RPTOR: variants seen among roughly 807,000 people sequenced by gnomAD.
RPTOR encodes the protein regulatory associated protein of MTOR complex 1.
Under a neutral mutation model 169.9 loss-of-function variants are expected in RPTOR, and 21 were observed. The observed-to-expected ratio is 0.12, with a 90% CI of 0.09 to 0.18. The LOEUF (loss-of-function observed/expected upper bound fraction) is 0.18, where lower values mean the gene tolerates loss of function less well. RPTOR is among the 10% of genes least tolerant of loss of function. The probability of loss-of-function intolerance (pLI) is 1.00; values close to 1 mark genes in which losing one functional copy is unlikely to be tolerated. For missense variants in RPTOR, 1,133 were observed against 1,855.9 expected (o/e 0.61, Z 7.16); for synonymous variants, 732 against 753.2 (o/e 0.97, Z 0.46).
intron 7 of RPTOR, among the ~76,000 whole-genome samples, chr17:80,815,593 G>A (rs904740296): frequency 6.6e-6 from 1 of 152,276 alleles, no homozygotes; most frequent in African/African-American, 2.4e-5. Context: ...CACACCATGT[G>A]CTTAACGAGC....
At chr17:80,962,806 C>G in intron 32 of RPTOR, 122 bp from the exon 33 acceptor site, 2 of 1,508,408 alleles carry the variant, frequency 1.3e-6, no homozygotes, top group South Asian at 2.6e-5. Flanking sequence ...AGGGTCACAC[C>G]TGCCCCGAGC....
At chr17:80,868,067 A>G (rs193063418) in intron 13 of RPTOR, among the ~76,000 whole-genome samples, 78 of 152,354 alleles carry the variant, frequency 5.1e-4, no homozygotes, top group Non-Finnish European at 9.3e-4. Context: ...CAAACAGATA[A>G]TGGAACAGGA....
chr17:80,799,603 C>A (rs755039179), intron 7 of RPTOR, among the ~76,000 whole-genome samples: 3 of 152,196 alleles, frequency 2.0e-5, no homozygotes, highest in Admixed American at 6.5e-5. Flanking sequence ...TGTGACGAGT[C>A]ACGTGACGCA....
At chr17:80,825,343 T>C (rs1449019391) in intron 9 of RPTOR, among the ~76,000 whole-genome samples, 2 of 152,180 alleles carry the variant, frequency 1.3e-5, no homozygotes, top group Non-Finnish European at 2.9e-5. Flanking sequence ...CACCTCTCCA[T>C]CTAGAGGCCG....
rs1257659828 is a variant in RPTOR at position 80,708,273 on chromosome 17, G to C, written c.507+274G>C. Among the ~76,000 whole-genome samples the C allele has an allele frequency of 6.6e-6, 1 of 152,164 alleles. No individual in the cohort carries two copies. Among genetic ancestry groups the C allele is most frequent in the Non-Finnish European group, 1.5e-5 (1 of 68,026 alleles). ...GACCAGCAGTTGTTTGTAATTCTCCGAGGACAGACCTCGAGAGTGTCTGCC... is the reference window on the plus strand; with the variant it reads ...GACCAGCAGTTGTTTGTAATTCTCCCAGGACAGACCTCGAGAGTGTCTGCC... On this transcript the variant is annotated intron_variant, in intron 4 of 33. Coordinates refer to ENST00000306801, the MANE Select transcript of RPTOR (RefSeq NM_020761.3). The surrounding 1 kb of genome is among the most constrained non-coding windows in gnomAD (Gnocchi z 4.2).
chr17:80,566,649 CCT>C (rs2064844732), intron 1 of RPTOR, among the ~76,000 whole-genome samples: 1 of 151,220 alleles, frequency 6.6e-6, no homozygotes, highest in Admixed American at 6.6e-5. Flanking sequence ...TGAAACCCCT[CCT>C]CTACTAAAAA....
At chr17:80,837,824 C>T in intron 9 of RPTOR, 98 bp from the exon 10 acceptor site, 2 of 1,152,492 alleles carry the variant, frequency 1.7e-6, no homozygotes, top group Non-Finnish European at 2.6e-6. Context: ...CAGACCCTTG[C>T]TGCCCAGGCT....
At chr17:80,601,104 G>A (rs751606030) in intron 1 of RPTOR, among the ~76,000 whole-genome samples, 3 of 152,166 alleles carry the variant, frequency 2.0e-5, no homozygotes, top group African/African-American at 4.8e-5. Context: ...CAGCCCCATC[G>A]GAGAGGCTGC....
At chr17:80,867,547 G>T (rs2068006778) in intron 13 of RPTOR, among the ~76,000 whole-genome samples, 1 of 151,974 alleles carries the variant, frequency 6.6e-6, no homozygotes, top group Admixed American at 6.6e-5. Flanking sequence ...AGTGAGTCAA[G>T]GAAAAAAAGG....
intron 5 of RPTOR, among the ~76,000 whole-genome samples, chr17:80,739,138 A>G (rs1350414300): frequency 2.7e-5 from 1 of 37,108 alleles, no homozygotes; most frequent in Non-Finnish European, 6.5e-5. Context: ...TGTCGCGGGA[A>G]CACCTCTGCC....
chr17:80,718,245 G>A (rs2066255907), intron 4 of RPTOR, among the ~76,000 whole-genome samples: 1 of 152,244 alleles, frequency 6.6e-6, no homozygotes, highest in South Asian at 2.1e-4. Context: ...TTTGGTTTAG[G>A]ATAATTTTTA....
intron 3 of RPTOR, among the ~76,000 whole-genome samples, chr17:80,669,171 C>A (rs557849567): frequency 1.3e-5 from 2 of 152,284 alleles, no homozygotes; most frequent in Non-Finnish European, 2.9e-5. Flanking sequence ...CTTTCTAGGG[C>A]GTGGGAATGT....
At chr17:80,755,566 G>T (rs555568934) in intron 6 of RPTOR, among the ~76,000 whole-genome samples, 1 of 151,902 alleles carries the variant, frequency 6.6e-6, no homozygotes, top group Non-Finnish European at 1.5e-5. Context: ...GCGAAACCCT[G>T]TCTATACTAA....
chr17:80,876,453 GCCC>G lies in RPTOR; in HGVS notation c.1510-3961_1510-3959del, dbSNP rs1334480439. Among the ~76,000 whole-genome samples, 13 of 1,972 alleles carry G rather than the reference GCCC, an allele frequency of 6.6e-3. 2 individuals carry two copies. The highest frequency in any genetic ancestry group is 0.019 in the East Asian group (2 of 106). 1.3% of individuals were successfully genotyped at this position (1,972 alleles called of 152,430 possible). A position where few individuals can be genotyped will look rare whatever the true frequency, so the allele number is the denominator to read the frequency against. ...GTCGCCTGCCGTGTCTTCCCACCGAGCCCGTGCCACGCAGGGTGTGTGTGTCGC... is the reference window on the plus strand; with the variant it reads ...GTCGCCTGCCGTGTCTTCCCACCGAGGTGCCACGCAGGGTGTGTGTGTCGC... On this transcript the variant is annotated intron_variant, in intron 13 of 33. Transcript: ENST00000306801.
intron 13 of RPTOR, among the ~76,000 whole-genome samples, chr17:80,872,444 C>G (rs968026275): frequency 6.6e-6 from 1 of 152,126 alleles, no homozygotes; most frequent in Non-Finnish European, 1.5e-5. Flanking sequence ...CCAGACCACA[C>G]GAGCTGGGCC....
chr17:80,873,246 A>G (rs1420029475), intron 13 of RPTOR, among the ~76,000 whole-genome samples: 1 of 152,170 alleles, frequency 6.6e-6, no homozygotes, highest in East Asian at 1.9e-4. Context: ...CACTGGGCAC[A>G]GGGAGCCCCT....
intron 5 of RPTOR, among the ~76,000 whole-genome samples, chr17:80,732,546 A>C (rs535585995): frequency 6.6e-6 from 1 of 152,374 alleles, no homozygotes; most frequent in East Asian, 1.9e-4. Context: ...GAAAGAGATC[A>C]GATGAAAAAT....
At chr17:80,612,317 G>C (rs2065277384) in intron 1 of RPTOR, among the ~76,000 whole-genome samples, 1 of 152,148 alleles carries the variant, frequency 6.6e-6, no homozygotes, top group South Asian at 2.1e-4. Flanking sequence ...TTTTTGTAGA[G>C]ACAGGGTCTT....
intron 3 of RPTOR, among the ~76,000 whole-genome samples, chr17:80,683,902 C>G (rs1223958555): frequency 1.3e-5 from 2 of 152,182 alleles, no homozygotes; most frequent in Admixed American, 1.3e-4. Context: ...GGTTCCTTTT[C>G]TACAGAATGG....
Sources: allele counts gnomAD v4.1 joint callset (sites outside exome capture counted in the v4.1 genomes callset), GRCh38; gene constraint gnomAD v4.1.1; non-coding constraint Gnocchi (gnomAD v3.1); transcripts MANE v1.5; gene names NCBI Gene and HGNC (gene_info 2026-07-23, HGNC 2026-07-21).